Variants in SGCZ observed in about 807,000 individuals in gnomAD.
The protein encoded by SGCZ is zeta-sarcoglycan.
A neutral mutation model predicts 41.3 loss-of-function variants in SGCZ; 40 were observed. The ratio of observed to expected loss-of-function variants is 0.97; its 90% CI spans 0.75 to 1.26. The LOEUF (loss-of-function observed/expected upper bound fraction) is 1.26, where lower values mean the gene tolerates loss of function less well. SGCZ is among the 50% of genes most tolerant of loss of function. SGCZ has a pLI of 0.00. For missense variants in SGCZ, 552 were observed against 369.8 expected, an observed-to-expected ratio of 1.49 and a Z score of -4.04; for synonymous variants, 206 against 137.5, an observed-to-expected ratio of 1.50 and a Z score of -3.49.
chr8:14,133,182 C>G (rs1803093818), intron 5 of SGCZ, among the ~76,000 whole-genome samples: 1 of 152,194 alleles, frequency 6.6e-6, no homozygotes, highest in Non-Finnish European at 1.5e-5. Context: ...GAACATGTAT[C>G]TTGCCCTAAG....
intron 5 of SGCZ, among the ~76,000 whole-genome samples, chr8:14,117,621 C>A (rs1802565838): frequency 6.6e-6 from 1 of 151,720 alleles, no homozygotes; most frequent in Non-Finnish European, 1.5e-5. Flanking sequence ...TTCTGGAGTA[C>A]CTGTGCAGAA....
At chr8:14,706,252 C>G (rs1253428463) in intron 1 of SGCZ, among the ~76,000 whole-genome samples, 1 of 151,826 alleles carries the variant, frequency 6.6e-6, no homozygotes, top group Non-Finnish European at 1.5e-5. Flanking sequence ...CTTTTTAAAA[C>G]CAGAATAAAA....
At chr8:14,615,398 C>G (rs1474117142) in intron 1 of SGCZ, among the ~76,000 whole-genome samples, 1 of 152,234 alleles carries the variant, frequency 6.6e-6, no homozygotes, top group Admixed American at 6.5e-5. Context: ...CCCATAAAAG[C>G]TCACTGCTCT....
At chr8:15,032,369 A>G (rs1337703088) in intron 1 of SGCZ, among the ~76,000 whole-genome samples, 2 of 152,120 alleles carry the variant, frequency 1.3e-5, no homozygotes, top group Non-Finnish European at 2.9e-5. Flanking sequence ...CACTACTCCA[A>G]CCCTACATAC....
chr8:15,005,388 G>A (rs751063380), intron 1 of SGCZ, among the ~76,000 whole-genome samples: 19 of 142,152 alleles, frequency 1.3e-4, no homozygotes, highest in Non-Finnish European at 2.4e-4. Flanking sequence ...CTGGAGTGCA[G>A]TGGCGTGATC....
At chr8:14,545,296 T>G (rs1803590954) in intron 2 of SGCZ, among the ~76,000 whole-genome samples, 1 of 152,076 alleles carries the variant, frequency 6.6e-6, no homozygotes, top group Admixed American at 6.6e-5. Flanking sequence ...TTATTCAAAA[T>G]AATAAATCAT....
chr8:14,370,047 T>G (rs1186985183), intron 2 of SGCZ, among the ~76,000 whole-genome samples: 1 of 152,038 alleles, frequency 6.6e-6, no homozygotes, highest in African/African-American at 2.4e-5. Flanking sequence ...TCTTTAAAGA[T>G]CTACTTACTT....
At chr8:14,189,314 T>C (rs1048108052) in intron 4 of SGCZ, among the ~76,000 whole-genome samples, 1 of 152,156 alleles carries the variant, frequency 6.6e-6, no homozygotes, top group Non-Finnish European at 1.5e-5. Context: ...TAAATGAAAA[T>C]CAAACTGTAA....
intron 2 of SGCZ, among the ~76,000 whole-genome samples, chr8:14,437,356 C>A (rs1233430011): frequency 6.6e-6 from 1 of 152,150 alleles, no homozygotes; most frequent in Non-Finnish European, 1.5e-5. Context: ...AGAATATCCA[C>A]AATTATCTGA....
At chr8:14,156,317 G>A (rs569997380) in intron 5 of SGCZ, among the ~76,000 whole-genome samples, 98 of 152,040 alleles carry the variant, frequency 6.4e-4, no homozygotes, top group African/African-American at 2.2e-3. Context: ...AAAGTTAGCC[G>A]GGCGTGGTGG....
intron 1 of SGCZ, among the ~76,000 whole-genome samples, chr8:14,818,273 T>C (rs1464580207): frequency 6.6e-6 from 1 of 152,160 alleles, no homozygotes; most frequent in African/African-American, 2.4e-5. Context: ...ATGTCTGGCC[T>C]GACGACTAAC....
chr8:14,662,553 T>G (rs1327288031), intron 1 of SGCZ, among the ~76,000 whole-genome samples: 1 of 152,190 alleles, frequency 6.6e-6, no homozygotes, highest in Non-Finnish European at 1.5e-5. Flanking sequence ...TTACCACTCA[T>G]ACATGTGATA....
chr8:14,998,146 A>T (rs1005467561), intron 1 of SGCZ, among the ~76,000 whole-genome samples: 4 of 152,204 alleles, frequency 2.6e-5, no homozygotes, highest in African/African-American at 9.6e-5. Context: ...GGTAGCACGA[A>T]ATCATCAATA....
chr8:15,182,627 G>C (rs1563170301), intron 1 of SGCZ, among the ~76,000 whole-genome samples: 1 of 152,162 alleles, frequency 6.6e-6, no homozygotes, highest in African/African-American at 2.4e-5. Flanking sequence ...GAGCTTGCAA[G>C]ATTAGAAGTT....
At chr8:14,803,039 C>A (rs1391747156) in intron 1 of SGCZ, among the ~76,000 whole-genome samples, 1 of 152,172 alleles carries the variant, frequency 6.6e-6, no homozygotes, top group Non-Finnish European at 1.5e-5. Context: ...TTTAATCAAT[C>A]TGACCTTTTA....
At chr8:15,128,350 T>G (rs1344627128) in intron 1 of SGCZ, among the ~76,000 whole-genome samples, 2 of 152,234 alleles carry the variant, frequency 1.3e-5, no homozygotes, top group East Asian at 1.9e-4. Flanking sequence ...ATTCTCAGCA[T>G]TTTACCTCTG....
intron 1 of SGCZ, among the ~76,000 whole-genome samples, chr8:14,987,395 T>C (rs1025019675): frequency 6.6e-6 from 1 of 152,018 alleles, no homozygotes; most frequent in Non-Finnish European, 1.5e-5. Flanking sequence ...CCTTCTTCTA[T>C]ATAAATCCTG....
intron 2 of SGCZ, among the ~76,000 whole-genome samples, chr8:14,393,271 T>C (rs1804846948): frequency 6.6e-6 from 1 of 152,108 alleles, no homozygotes; most frequent in Admixed American, 6.6e-5. Flanking sequence ...CCCAATCATT[T>C]TCTAACAAAA....
At chr8:14,189,673 C>T (rs181262566) in intron 4 of SGCZ, among the ~76,000 whole-genome samples, 2 of 152,324 alleles carry the variant, frequency 1.3e-5, no homozygotes, top group East Asian at 1.9e-4. Context: ...TTGCTATGTC[C>T]TTTACATTGT....
Sources: allele counts gnomAD v4.1 joint callset (sites outside exome capture counted in the v4.1 genomes callset), GRCh38; gene constraint gnomAD v4.1.1; transcripts MANE v1.5; gene names NCBI Gene and HGNC (gene_info 2026-07-23, HGNC 2026-07-21).